Variants in SETD3 observed in about 807,000 individuals in gnomAD.
The protein encoded by SETD3 is SET domain containing 3, actin N3(tau)-histidine methyltransferase, also known as actin-histidine N-methyltransferase.
SETD3 carries 19 observed loss-of-function variants against 63.0 expected under a neutral mutation model. That is an observed-to-expected ratio of 0.30 (90% CI 0.21 to 0.44). The LOEUF is 0.44. SETD3 is among the 20% of genes least tolerant of loss of function. The pLI, the probability that SETD3 is intolerant of heterozygous loss-of-function variation, is 1.00. For missense variants in SETD3, 587 were observed against 728.5 expected, an observed-to-expected ratio of 0.81 and a Z score of 2.24; for synonymous variants, 286 against 264.1, an observed-to-expected ratio of 1.08 and a Z score of -0.80.
At position 99,440,901 on chromosome 14, in the gene SETD3, C is replaced by T. The variant is rs1348491224; in HGVS notation, c.675+17378G>A. ...TATCTGAAGAGATGCTCGATTAAATCTAATAAAAGCTAAGGATCTGATAAA... is the reference window on the plus strand; with the variant it reads ...TATCTGAAGAGATGCTCGATTAAATTTAATAAAAGCTAAGGATCTGATAAA... On this transcript the variant is annotated intron_variant, in intron 6 of 12. Transcript: ENST00000331768. Among the ~76,000 whole-genome samples the T allele has an allele frequency of 3.9e-5, 6 of 151,926 alleles. No individual in the cohort carries two copies. The East Asian group carries it at 1.2e-3, about 29-fold the overall frequency.
chr14:99,458,404 C>T lies in SETD3; in HGVS notation c.550G>A (p.Asp184Asn), dbSNP rs894323862. ...TCTTCTTCAAAGTAGAGAGGAGTGT[C>T]ATATTCACTGGGGAGGGTTTGAATA... The part of the protein sequence containing the change: ...PYIQTLPSEY[D>N]TPLYFEEDEV... The change falls in exon 6 of 13, where the codon GAC (aspartate) becomes AAC (asparagine). Residue 184 changes from aspartate to asparagine, a missense_variant. Asp to Asn is a conservative substitution (Grantham distance 23). Coordinates refer to ENST00000331768, the MANE Select transcript of SETD3 (RefSeq NM_032233.3). 1.2e-6 allele frequency: 2 copies of T among 1,613,948 alleles called. No individual in the cohort carries two copies. The highest frequency in any genetic ancestry group is 2.7e-5 in the African/African-American group (2 of 74,870).
At chr14:99,455,897 G>C (rs1450969880) in intron 6 of SETD3, among the ~76,000 whole-genome samples, 1 of 152,246 alleles carries the variant, frequency 6.6e-6, no homozygotes, top group Non-Finnish European at 1.5e-5. Context: ...GTTCACGCCT[G>C]TAATCCCAGC....
chr14:99,413,069 T>A lies in SETD3; in HGVS notation c.735-4A>T, dbSNP rs1202233230. 2 of 1,555,840 alleles carry A rather than the reference T, an allele frequency of 1.3e-6. No individual in the cohort carries two copies. The highest frequency in any genetic ancestry group is 1.8e-6 in the Non-Finnish European group (2 of 1,129,014). ...CATAACAGAAGAGACTGCCCACCTA[T>A]AACAAGATAAATGGTGACTTAAGGT... On this transcript the variant is annotated splice_polypyrimidine_tract_variant and splice_region_variant and intron_variant, in intron 7 of 12. Coordinates refer to ENST00000331768, the MANE Select transcript of SETD3 (RefSeq NM_032233.3).
intron 6 of SETD3, among the ~76,000 whole-genome samples, chr14:99,430,513 A>G (rs191149865): frequency 4.1e-4 from 63 of 152,366 alleles, no homozygotes; most frequent in African/African-American, 1.4e-3. Context: ...CTCCAGCTAT[A>G]TTAATTACTT....
upstream of SETD3, among the ~76,000 whole-genome samples, chr14:99,481,801 C>T (rs3918037): frequency 6.6e-3 from 1,004 of 152,306 alleles, 6 homozygotes; most frequent in African/African-American, 0.023. Context: ...GTTAACCGCG[C>T]ACAGTCTCAC....
At chr14:99,408,229 C>G (rs1022665091) in intron 8 of SETD3, among the ~76,000 whole-genome samples, 4 of 152,184 alleles carry the variant, frequency 2.6e-5, no homozygotes, top group African/African-American at 2.4e-5. Context: ...AACCATATGT[C>G]TAAATTTCCT....
intron 6 of SETD3, among the ~76,000 whole-genome samples, chr14:99,441,264 C>T (rs1379029798): frequency 1.3e-5 from 2 of 152,226 alleles, no homozygotes; most frequent in Non-Finnish European, 2.9e-5. Context: ...GACTGAACCA[C>T]AGGACCTAAT....
intron 11 of SETD3, among the ~76,000 whole-genome samples, chr14:99,403,291 C>CT (rs1252391409): frequency 6.6e-6 from 1 of 152,216 alleles, no homozygotes; most frequent in Non-Finnish European, 1.5e-5. Flanking sequence ...GCCATGACTG[C>CT]TTCCTCCGAC....
intron 6 of SETD3, among the ~76,000 whole-genome samples, chr14:99,427,357 C>A (rs1444084547): frequency 6.6e-6 from 1 of 151,966 alleles, no homozygotes; most frequent in African/African-American, 2.4e-5. Context: ...AAATATATGC[C>A]CATGTTTTAA....
At chr14:99,484,057 A>G (rs1896422679), upstream of SETD3, among the ~76,000 whole-genome samples, 5 of 152,252 alleles carry the variant, frequency 3.3e-5, no homozygotes, top group Admixed American at 3.3e-4. Flanking sequence ...AAATAAATAA[A>G]TTTACTTGGT....
At chr14:99,404,107 C>T in intron 11 of SETD3, 118 bp downstream of exon 11, 1 of 713,744 alleles carries the variant, frequency 1.4e-6, no homozygotes, top group African/African-American at 1.8e-5. Flanking sequence ...TATCTTCTCT[C>T]TTCCCAAAAG....
At chr14:99,454,197 CTTT>C (rs550679583) in intron 6 of SETD3, among the ~76,000 whole-genome samples, 238 of 145,986 alleles carry the variant, frequency 1.6e-3, no homozygotes, top group African/African-American at 5.8e-3. Flanking sequence ...GGAGCAAATG[CTTT>C]TTTTTTTTAG....
chr14:99,478,144 G>A (rs1431788533), intron 1 of SETD3, among the ~76,000 whole-genome samples: 2 of 151,714 alleles, frequency 1.3e-5, no homozygotes, highest in African/African-American at 2.4e-5. Flanking sequence ...CAAAAATAAG[G>A]GTAGGTAATT....
At chr14:99,478,608 G>C (rs939598666) in intron 1 of SETD3, 12 of 152,312 alleles carry the variant, frequency 7.9e-5, no homozygotes, top group Admixed American at 5.2e-4. Context: ...CCCTGACTTG[G>C]AGGTAGGATT....
At chr14:99,436,635 G>A (rs547027391) in intron 6 of SETD3, among the ~76,000 whole-genome samples, 5 of 152,256 alleles carry the variant, frequency 3.3e-5, no homozygotes, top group South Asian at 2.1e-4. Context: ...AATTTGCTTC[G>A]GTCCACTGTT....
At chr14:99,413,232 G>C in intron 7 of SETD3, 167 bp from the exon 8 acceptor site, 2 of 580,282 alleles carry the variant, frequency 3.4e-6, no homozygotes, top group Non-Finnish European at 3.1e-6. Flanking sequence ...AACAAACCCA[G>C]GGTTTGAAAG....
intron 1 of SETD3, among the ~76,000 whole-genome samples, chr14:99,477,730 A>G (rs991255375): frequency 4.6e-4 from 64 of 140,284 alleles, no homozygotes; most frequent in African/African-American, 1.6e-3. Context: ...CCTCGGCAAC[A>G]AGAGCGAAAC....
At chr14:99,467,149 G>GT (rs1227359375) in intron 1 of SETD3, among the ~76,000 whole-genome samples, 7 of 152,166 alleles carry the variant, frequency 4.6e-5, no homozygotes, top group African/African-American at 1.7e-4. Context: ...CTTCTCTTAT[G>GT]TATCTAACGT....
At chr14:99,470,711 T>C (rs1895654071) in intron 1 of SETD3, among the ~76,000 whole-genome samples, 1 of 152,222 alleles carries the variant, frequency 6.6e-6, no homozygotes, top group Non-Finnish European at 1.5e-5. Context: ...CTGTAACCCA[T>C]CTACTATGAA....
Sources: allele counts gnomAD v4.1 joint callset (sites outside exome capture counted in the v4.1 genomes callset), GRCh38; gene constraint gnomAD v4.1.1; transcripts MANE v1.5; gene names NCBI Gene and HGNC (gene_info 2026-07-23, HGNC 2026-07-21).